Variants in CALN1 observed in about 807,000 individuals in gnomAD.
CALN1 encodes calneuron 1, also known as calcium-binding protein 8.
Under a neutral mutation model 30.6 loss-of-function variants are expected in CALN1, and 17 were observed. The ratio of observed to expected loss-of-function variants is 0.56; its 90% CI spans 0.38 to 0.83. The LOEUF is 0.83. CALN1 is among the 40% of genes least tolerant of loss of function. The pLI is 0.00. For synonymous variants in CALN1, 156 were observed against 131.4 expected (o/e 1.19, Z -1.28); for missense variants, 291 against 354.9 (o/e 0.82, Z 1.45).
intron 2 of CALN1, among the ~76,000 whole-genome samples, chr7:72,284,963 AG>A (rs1204760472): frequency 1.3e-5 from 2 of 152,090 alleles, no homozygotes; most frequent in Non-Finnish European, 2.9e-5. Flanking sequence ...CCAAGGACCC[AG>A]GCACATTGCA....
intron 3 of CALN1, among the ~76,000 whole-genome samples, chr7:72,182,518 G>A (rs1341786063): frequency 2.0e-5 from 3 of 152,080 alleles, no homozygotes; most frequent in Non-Finnish European, 4.4e-5. Flanking sequence ...CCAGGAGTTC[G>A]AGACCAACCT....
At chr7:72,462,231 G>C in the CALN1 span, among the ~76,000 whole-genome samples, 2 of 152,004 alleles carry the variant, frequency 1.3e-5, no homozygotes, top group Non-Finnish European at 2.9e-5. Flanking sequence ...ACCTAGGCTG[G>C]AGTGCAATAA....
chr7:72,423,884 A>G (rs116125578), intron 1 of CALN1, among the ~76,000 whole-genome samples: 3,060 of 138,924 alleles, frequency 0.022, 118 homozygotes, highest in African/African-American at 0.075. Context: ...GAGGGAGGAA[A>G]GGGGAGAAGG....
rs372812725 is a variant in CALN1 at position 71,866,910 on chromosome 7, C to T, written c.502-56418G>A. ...CTGTAATCCCAGCACTTTGGGAGGC[C>T]GAAATGAGTGGATCACTTGAGGTCA... On this transcript the variant is annotated intron_variant, in intron 5 of 6. Coordinates refer to ENST00000395275, the MANE Select transcript of CALN1 (RefSeq NM_031468.4). Among the ~76,000 whole-genome samples the T allele has an allele frequency of 1.2e-3, 188 of 151,992 alleles. No homozygotes were observed. The East Asian group carries it at 0.021, about 17-fold the overall frequency.
intron 5 of CALN1, among the ~76,000 whole-genome samples, chr7:71,876,931 A>G (rs1792280054): frequency 6.6e-6 from 1 of 152,228 alleles, no homozygotes; most frequent in Non-Finnish European, 1.5e-5. Context: ...TTAGGTGTGC[A>G]GGCATTTGTG....
chr7:71,917,118 T>C, intron 5 of CALN1, among the ~76,000 whole-genome samples: 1 of 152,188 alleles, frequency 6.6e-6, no homozygotes, highest in Non-Finnish European at 1.5e-5. Context: ...GTGGAAACCT[T>C]GAGCTCAGAG....
intron 1 of CALN1, among the ~76,000 whole-genome samples, chr7:72,444,336 T>G (rs935376033): frequency 6.6e-6 from 1 of 152,092 alleles, no homozygotes; most frequent in South Asian, 2.1e-4. Flanking sequence ...TTAATTACAG[T>G]TCAAATTTCC....
At chr7:72,362,500 G>A (rs545857609) in intron 2 of CALN1, among the ~76,000 whole-genome samples, 20 of 152,230 alleles carry the variant, frequency 1.3e-4, no homozygotes, top group African/African-American at 4.1e-4. Context: ...TGGGTACCAC[G>A]CTATCTATAA....
At chr7:71,988,261 G>A (rs1798777820) in intron 5 of CALN1, among the ~76,000 whole-genome samples, 1 of 152,202 alleles carries the variant, frequency 6.6e-6, no homozygotes, top group South Asian at 2.1e-4. Flanking sequence ...GCAAAAATAA[G>A]GAGAAGAAGT....
chr7:72,078,228 G>A (rs1372096908), intron 4 of CALN1, among the ~76,000 whole-genome samples: 1 of 152,038 alleles, frequency 6.6e-6, no homozygotes, highest in East Asian at 1.9e-4. Flanking sequence ...TGATTATTTT[G>A]GGTGGTATCC....
intron 2 of CALN1, among the ~76,000 whole-genome samples, chr7:72,332,102 G>T (rs1222315652): frequency 6.6e-6 from 1 of 152,090 alleles, no homozygotes; most frequent in Non-Finnish European, 1.5e-5. Context: ...GTCTATCACT[G>T]ATGGGCATGT....
chr7:72,169,682 TTTC>T (rs1276197690), intron 3 of CALN1, among the ~76,000 whole-genome samples: 3 of 151,972 alleles, frequency 2.0e-5, no homozygotes, highest in Non-Finnish European at 4.4e-5. Flanking sequence ...TTATTTTCTT[TTTC>T]TTTTTTCCTT....
At chr7:72,161,346 A>T (rs963831700) in intron 3 of CALN1, among the ~76,000 whole-genome samples, 17 of 152,170 alleles carry the variant, frequency 1.1e-4, no homozygotes, top group Non-Finnish European at 2.4e-4. Flanking sequence ...TTCAGTGATA[A>T]TCACCCAGCC....
intron 3 of CALN1, among the ~76,000 whole-genome samples, chr7:72,204,980 T>C (rs1207608651): frequency 6.6e-6 from 1 of 152,122 alleles, no homozygotes; most frequent in Non-Finnish European, 1.5e-5. Context: ...AATGAAAATG[T>C]CCATTTTCAC....
intron 5 of CALN1, among the ~76,000 whole-genome samples, chr7:71,955,887 C>T (rs902576896): frequency 1.3e-5 from 2 of 151,994 alleles, no homozygotes; most frequent in Non-Finnish European, 2.9e-5. Context: ...TGAAAAGCCG[C>T]TATTTAGTCT....
At chr7:72,411,804 T>TAACA (rs143230775) in intron 1 of CALN1, among the ~76,000 whole-genome samples, 1,786 of 152,168 alleles carry the variant, frequency 0.012, 26 homozygotes, top group African/African-American at 0.039. Context: ...TCTTTTAAAG[T>TAACA]AATAAGAAAA....
At chr7:72,241,668 T>G (rs1425422261) in intron 3 of CALN1, among the ~76,000 whole-genome samples, 1 of 151,848 alleles carries the variant, frequency 6.6e-6, no homozygotes, top group Admixed American at 6.6e-5. Context: ...ATCACGCCAT[T>G]GCACTCCAGC....
chr7:71,901,681 A>G (rs1395431515), intron 5 of CALN1, among the ~76,000 whole-genome samples: 1 of 152,218 alleles, frequency 6.6e-6, no homozygotes, highest in Non-Finnish European at 1.5e-5. Flanking sequence ...GGGACACCCT[A>G]TTCAATAAAT....
At chr7:72,160,382 G>A (rs535500803) in intron 3 of CALN1, among the ~76,000 whole-genome samples, 1 of 151,586 alleles carries the variant, frequency 6.6e-6, no homozygotes, top group African/African-American at 2.4e-5. Flanking sequence ...AGGTTCAAGC[G>A]ATGCCCCTGC....
Sources: gnomAD v4.1 joint callset for allele counts (sites outside exome capture counted in the v4.1 genomes callset) on GRCh38, gnomAD v4.1.1 for gene constraint, MANE v1.5 for transcripts, NCBI Gene and HGNC (gene_info 2026-07-23, HGNC 2026-07-21) for gene names.